SMCHD1: variants seen among roughly 807,000 people sequenced by gnomAD.
SMCHD1 encodes structural maintenance of chromosomes flexible hinge domain-containing protein 1.
SMCHD1 carries 78 observed loss-of-function variants against 254.7 expected under a neutral mutation model. That is an observed-to-expected ratio of 0.31 (90% confidence interval 0.26 to 0.37). The LOEUF (loss-of-function observed/expected upper bound fraction) is 0.37, where lower values mean the gene tolerates loss of function less well. Ranked by LOEUF, SMCHD1 falls within the 10% of genes least tolerant of loss-of-function variation. SMCHD1 has a pLI of 1.00. For missense variants in SMCHD1, 1,840 were observed against 2,408.1 expected (o/e 0.76, Z 4.94); for synonymous variants, 766 against 794.9 (o/e 0.96, Z 0.61).
chr18:2,715,686 A>G (rs57695836), intron 17 of SMCHD1, among the ~76,000 whole-genome samples: 29,347 of 151,924 alleles, frequency 0.19, 3,186 homozygotes, highest in South Asian at 0.34. Flanking sequence ...GACACTCTCT[A>G]AAAAAATTTT....
intron 39 of SMCHD1, among the ~76,000 whole-genome samples, chr18:2,770,774 C>T (rs1291631819): frequency 1.3e-5 from 2 of 152,112 alleles, no homozygotes; most frequent in African/African-American, 4.8e-5. Context: ...GCACATGCCA[C>T]CACGCCTGGC....
chr18:2,793,372 C>T (rs2076200190), intron 45 of SMCHD1, among the ~76,000 whole-genome samples: 1 of 151,986 alleles, frequency 6.6e-6, no homozygotes, highest in Non-Finnish European at 1.5e-5. Context: ...ACGTAGAAAA[C>T]ATTGCTTGAG....
intron 34 of SMCHD1, among the ~76,000 whole-genome samples, chr18:2,759,428 T>C (rs915534708): frequency 9.2e-5 from 14 of 151,842 alleles, no homozygotes; most frequent in African/African-American, 3.4e-4. Context: ...GCCTCCTTTC[T>C]ATCTTATATT....
chr18:2,700,925 T>A lies in SMCHD1; in HGVS notation c.1647+7T>A, dbSNP rs1339306673. ...AAGGATTTTAAATGGACAGGTATGA[T>A]TTTTAAATATAAAGTTGTGAATATT... is the stretch of plus-strand genomic sequence containing the variant. On this transcript the variant is annotated splice_region_variant and intron_variant, in intron 12 of 47. Transcript: ENST00000320876. 1 of 1,545,424 alleles carries A rather than the reference T, an allele frequency of 6.5e-7. No individual in the cohort carries two copies. Among genetic ancestry groups the A allele is most frequent in the Non-Finnish European group, 8.8e-7 (1 of 1,138,746 alleles).
At chr18:2,707,699 A>G (rs2074550868) in intron 16 of SMCHD1, 54 bp downstream of exon 16, 11 of 1,483,330 alleles carry the variant, frequency 7.4e-6, no homozygotes, top group Non-Finnish European at 6.5e-6. Context: ...TTTGTCTTAC[A>G]TTTCCAATAT....
rs568699008 is a variant in SMCHD1, at chr18:2,657,948, A to T, written c.186+1687A>T. ...CAGGTGAGCGCCACCATGCCCAGCTATGTTTTTTTTTTTTCGTATTTTTCG... is the reference window on the plus strand; with the variant it reads ...CAGGTGAGCGCCACCATGCCCAGCTTTGTTTTTTTTTTTTCGTATTTTTCG... On this transcript the variant is annotated intron_variant, in intron 1 of 47. Transcript: ENST00000320876. 5.4e-5 allele frequency among the ~76,000 whole-genome samples: 8 copies of T among 149,030 alleles called. No homozygotes were observed. In the South Asian group the frequency reaches 1.7e-3, roughly 31 times the overall value.
Position 2,687,553 on chromosome 18 carries a change from T to C in SMCHD1, c.639-841T>C, listed in dbSNP as rs559532312. On this transcript the variant is annotated intron_variant, in intron 5 of 47. Transcript: ENST00000320876. Reference sequence around the variant, plus strand: ...GATGTTGATTTCTTTTTATGTATCTTGTTTGGGCTCTTTTGGTTTTCCTGG... The same window carrying C: ...GATGTTGATTTCTTTTTATGTATCTCGTTTGGGCTCTTTTGGTTTTCCTGG... Among the ~76,000 whole-genome samples, 5 of 152,298 alleles carry C rather than the reference T, an allele frequency of 3.3e-5. No homozygotes were observed. In the South Asian group the frequency reaches 1.0e-3, roughly 32 times the overall value.
At chr18:2,796,139 T>C (rs989127456) in intron 46 of SMCHD1, 32 bp downstream of exon 46, 40 of 1,449,290 alleles carry the variant, frequency 2.8e-5, no homozygotes, top group Admixed American at 2.1e-4. Flanking sequence ...ACTTCTACTT[T>C]CTTTATATGG....
At chr18:2,703,187 T>G (rs906930579) in intron 12 of SMCHD1, among the ~76,000 whole-genome samples, 1 of 152,234 alleles carries the variant, frequency 6.6e-6, no homozygotes, top group African/African-American at 2.4e-5. Flanking sequence ...GGAGTCTTTC[T>G]TGGCATCTTT....
intron 3 of SMCHD1, among the ~76,000 whole-genome samples, chr18:2,671,840 C>T (rs928670414): frequency 4.6e-5 from 7 of 151,698 alleles, no homozygotes; most frequent in African/African-American, 1.2e-4. Flanking sequence ...CCTGAAGATC[C>T]GCCCGCCTTG....
chr18:2,759,503 T>G (rs1490694240), intron 34 of SMCHD1, among the ~76,000 whole-genome samples: 5 of 148,098 alleles, frequency 3.4e-5, no homozygotes, highest in African/African-American at 1.3e-4. Context: ...TTTTTTTTTT[T>G]TGTACAGCTG....
chr18:2,682,706 T>A (rs1414078818), intron 5 of SMCHD1, among the ~76,000 whole-genome samples: 3 of 152,260 alleles, frequency 2.0e-5, no homozygotes, highest in African/African-American at 4.8e-5. Context: ...TTTCATTGTA[T>A]GAAGATTATG....
chr18:2,695,810 A>G (rs901893831), intron 8 of SMCHD1, among the ~76,000 whole-genome samples: 1 of 152,098 alleles, frequency 6.6e-6, no homozygotes, highest in Non-Finnish European at 1.5e-5. Context: ...ACGCTAAGAG[A>G]ATTTTAAAAT....
intron 32 of SMCHD1, among the ~76,000 whole-genome samples, chr18:2,750,763 C>T (rs575064301): frequency 2.0e-5 from 3 of 151,932 alleles, no homozygotes; most frequent in Non-Finnish European, 2.9e-5. Context: ...AATGAAGCAC[C>T]TCAAAGTTTA....
chr18:2,673,411 G>A (rs1208710605), intron 4 of SMCHD1, 48 bp downstream of exon 4: 2 of 1,273,158 alleles, frequency 1.6e-6, no homozygotes, highest in South Asian at 3.5e-5. Flanking sequence ...TTTTGTAAGA[G>A]TAATAAAAGT....
At chr18:2,717,336 G>C (rs980800972) in intron 17 of SMCHD1, among the ~76,000 whole-genome samples, 1 of 152,128 alleles carries the variant, frequency 6.6e-6, no homozygotes, top group Non-Finnish European at 1.5e-5. Flanking sequence ...AGTGTTCAAA[G>C]TATCCAAAGT....
intron 42 of SMCHD1, among the ~76,000 whole-genome samples, chr18:2,777,336 CATTGTTATCATCTACTGG>C (rs1024858360): frequency 1.1e-4 from 17 of 152,314 alleles, no homozygotes; most frequent in African/African-American, 4.1e-4. Flanking sequence ...TCTGAAATTC[CATTGTTATCATCTACTGG>C]CTTCAATTGC....
chr18:2,760,528 C>T, intron 34 of SMCHD1, 124 bp from the exon 35 acceptor site: 1 of 654,770 alleles, frequency 1.5e-6, no homozygotes. Context: ...GGTCAATATA[C>T]TATTAGTAGT....
intron 44 of SMCHD1, among the ~76,000 whole-genome samples, chr18:2,779,409 A>G (rs921790568): frequency 3.9e-5 from 6 of 152,206 alleles, no homozygotes; most frequent in Non-Finnish European, 7.3e-5. Flanking sequence ...AATGCCATTT[A>G]GAGTTTTAGA....
Sources: allele counts gnomAD v4.1 joint callset (sites outside exome capture counted in the v4.1 genomes callset), GRCh38; gene constraint gnomAD v4.1.1; transcripts MANE v1.5; gene names NCBI Gene and HGNC (gene_info 2026-07-23, HGNC 2026-07-21).